The following SDC2 variants were observed in gnomAD, a reference collection of about 807,000 sequenced individuals.
The protein encoded by SDC2 is syndecan 2, also known as syndecan-2.
SDC2 carries 13 observed loss-of-function variants against 22.2 expected under a neutral mutation model. That is an observed-to-expected ratio of 0.59 (90% CI 0.38 to 0.93). SDC2 has a LOEUF of 0.93. Among genes scored for constraint, SDC2 ranks in the 40% least tolerant of loss-of-function variants. The pLI, the probability that SDC2 is intolerant of heterozygous loss-of-function variation, is 0.00. For missense variants in SDC2, 235 were observed against 246.8 expected, an observed-to-expected ratio of 0.95 and a Z score of 0.32; for synonymous variants, 94 against 92.8, an observed-to-expected ratio of 1.01 and a Z score of -0.07.
chr8:96,524,650 T>C (rs1453214613), intron 1 of SDC2, among the ~76,000 whole-genome samples: 2 of 150,136 alleles, frequency 1.3e-5, no homozygotes, highest in African/African-American at 5.1e-5. Flanking sequence ...GGGTTAATGA[T>C]TGCAGGGTGG....
chr8:96,606,150 G>A (rs1159363722), intron 3 of SDC2, among the ~76,000 whole-genome samples: 1 of 152,082 alleles, frequency 6.6e-6, no homozygotes, highest in African/African-American at 2.4e-5. Flanking sequence ...TTGAGACAGG[G>A]TCTCACTCTG....
intron 1 of SDC2, among the ~76,000 whole-genome samples, chr8:96,501,291 A>ATT (rs1813159212): frequency 1.6e-5 from 1 of 62,090 alleles, no homozygotes; most frequent in Non-Finnish European, 3.3e-5. Flanking sequence ...TTAAATACGT[A>ATT]TTTCTTTTTT....
chr8:96,604,467 T>A (rs115031430), intron 3 of SDC2, among the ~76,000 whole-genome samples: 3,652 of 152,258 alleles, frequency 0.024, 144 homozygotes, highest in African/African-American at 0.084. Context: ...TCGAACACTG[T>A]TTGCAGCACT....
At chr8:96,599,176 C>T (rs980731193) in intron 2 of SDC2, among the ~76,000 whole-genome samples, 7 of 152,036 alleles carry the variant, frequency 4.6e-5, no homozygotes, top group African/African-American at 7.2e-5. Flanking sequence ...CTCCTGACCT[C>T]GTGACCCACC....
chr8:96,592,139 T>A (rs1321478425), intron 1 of SDC2, among the ~76,000 whole-genome samples: 1 of 152,210 alleles, frequency 6.6e-6, no homozygotes, highest in African/African-American at 2.4e-5. Context: ...AATCCACCAG[T>A]GTGATAGCTC....
chr8:96,587,008 C>T (rs369969419), intron 1 of SDC2, among the ~76,000 whole-genome samples: 1 of 152,106 alleles, frequency 6.6e-6, no homozygotes, highest in African/African-American at 2.4e-5. Context: ...CTGCAACCTC[C>T]GTCTCCTGGG....
At chr8:96,541,998 A>G (rs1025816820) in intron 1 of SDC2, among the ~76,000 whole-genome samples, 2 of 152,156 alleles carry the variant, frequency 1.3e-5, no homozygotes, top group African/African-American at 4.8e-5. Flanking sequence ...TGCTGCTGGA[A>G]TAGGGAACAC....
intron 1 of SDC2, among the ~76,000 whole-genome samples, chr8:96,517,197 G>A (rs1435155464): frequency 6.6e-6 from 1 of 152,164 alleles, no homozygotes; most frequent in Non-Finnish European, 1.5e-5. Flanking sequence ...GACTGATGAT[G>A]TTGAGCAAGA....
intron 1 of SDC2, 129 bp downstream of exon 1, chr8:96,494,460 G>A (rs1172708623): frequency 2.5e-6 from 2 of 788,252 alleles, no homozygotes; most frequent in Admixed American, 3.1e-5. Flanking sequence ...AGATCCGCTG[G>A]GACAAATGCG....
intron 1 of SDC2, among the ~76,000 whole-genome samples, chr8:96,526,331 C>G (rs1000402251): frequency 3.2e-5 from 3 of 95,204 alleles, no homozygotes; most frequent in African/African-American, 6.1e-5. Flanking sequence ...GAAAAAGGAC[C>G]AAGCTGATCT....
intron 1 of SDC2, among the ~76,000 whole-genome samples, chr8:96,567,694 G>C (rs1248894896): frequency 6.6e-6 from 1 of 152,156 alleles, no homozygotes; most frequent in Non-Finnish European, 1.5e-5. Context: ...CTCTTGTTCT[G>C]CCATTTTTAA....
At chr8:96,533,999 G>T (rs1318146391) in intron 1 of SDC2, among the ~76,000 whole-genome samples, 1 of 152,194 alleles carries the variant, frequency 6.6e-6, no homozygotes, top group Non-Finnish European at 1.5e-5. Context: ...TGCAGTGCCG[G>T]CGGGCCAGCA....
intron 1 of SDC2, among the ~76,000 whole-genome samples, chr8:96,535,471 C>G (rs1394224464): frequency 6.6e-6 from 1 of 152,174 alleles, no homozygotes; most frequent in African/African-American, 2.4e-5. Flanking sequence ...AACTTTTTAC[C>G]CACACGGCAG....
intron 1 of SDC2, among the ~76,000 whole-genome samples, chr8:96,558,753 C>G (rs1404732919): frequency 6.6e-6 from 1 of 151,972 alleles, no homozygotes; most frequent in Non-Finnish European, 1.5e-5. Context: ...AAAAATAATC[C>G]AAACCATAAA....
intron 1 of SDC2, among the ~76,000 whole-genome samples, chr8:96,551,254 C>G (rs1205742412): frequency 6.6e-6 from 1 of 152,208 alleles, no homozygotes; most frequent in Non-Finnish European, 1.5e-5. Context: ...AAGTTCACTT[C>G]TCACTCACTA....
intron 1 of SDC2, among the ~76,000 whole-genome samples, chr8:96,508,073 G>C (rs895980004): frequency 6.6e-6 from 1 of 152,144 alleles, no homozygotes; most frequent in African/African-American, 2.4e-5. Flanking sequence ...GAGGCGGGTG[G>C]ATCACGAGGC....
At chr8:96,576,375 TTTTGTTTTG>T (rs1261415759) in intron 1 of SDC2, among the ~76,000 whole-genome samples, 386 of 19,370 alleles carry the variant, frequency 0.02, 45 homozygotes, top group African/African-American at 0.036. Context: ...TTTGTTTTTG[TTTTGTTTTG>T]TTTTTTTTTA....
intron 2 of SDC2, 137 bp from the exon 3 acceptor site, chr8:96,602,258 T>G: frequency 1.2e-6 from 1 of 838,956 alleles, no homozygotes; most frequent in Non-Finnish European, 1.9e-6. Context: ...ACAGGAAGCT[T>G]TGTGCTGAAG....
At chr8:96,583,345 ATATATAT>A (rs1285447689) in intron 1 of SDC2, among the ~76,000 whole-genome samples, 2 of 121,424 alleles carry the variant, frequency 1.6e-5, no homozygotes, top group African/African-American at 6.4e-5. Context: ...CACATATAAA[ATATATAT>A]TATATATATT....
Sources: gnomAD v4.1 joint callset for allele counts (sites outside exome capture counted in the v4.1 genomes callset) on GRCh38, gnomAD v4.1.1 for gene constraint, MANE v1.5 for transcripts, NCBI Gene and HGNC (gene_info 2026-07-23, HGNC 2026-07-21) for gene names.